The following C1QTNF3 variants were observed in gnomAD, a reference collection of about 807,000 sequenced individuals.
C1QTNF3 encodes complement C1q tumor necrosis factor-related protein 3.
C1QTNF3 carries 26 observed loss-of-function variants against 32.6 expected under a neutral mutation model. That is an observed-to-expected ratio of 0.80 (90% CI 0.58 to 1.11). The LOEUF (loss-of-function observed/expected upper bound fraction) is 1.11, where lower values mean the gene tolerates loss of function less well. C1QTNF3 is among the 50% of genes least tolerant of loss of function. C1QTNF3 has a pLI of 0.00. For missense variants in C1QTNF3, 362 were observed against 398.2 expected, an observed-to-expected ratio of 0.91 and a Z score of 0.77; for synonymous variants, 155 against 146.0, an observed-to-expected ratio of 1.06 and a Z score of -0.44.
the C1QTNF3 span, among the ~76,000 whole-genome samples, chr5:34,212,389 C>A: frequency 1.1e-4 from 16 of 152,052 alleles, no homozygotes; most frequent in East Asian, 2.5e-3. Context: ...GCAACAAAAG[C>A]CAAAATTGAC....
the C1QTNF3 span, among the ~76,000 whole-genome samples, chr5:34,111,946 G>A: frequency 6.6e-6 from 1 of 152,228 alleles, no homozygotes; most frequent in Admixed American, 6.5e-5. Context: ...AAGGGAGGCT[G>A]AGAAGTACAG....
the C1QTNF3 span, among the ~76,000 whole-genome samples, chr5:34,056,457 T>TGTGC: frequency 2.3e-4 from 17 of 74,658 alleles, no homozygotes; most frequent in African/African-American, 9.2e-4. Flanking sequence ...TGTGTGTGTA[T>TGTGC]ATATATATAT....
chr5:34,197,717 G>A, the C1QTNF3 span, among the ~76,000 whole-genome samples: 2 of 152,118 alleles, frequency 1.3e-5, no homozygotes, highest in Admixed American at 1.3e-4. Flanking sequence ...GTGTTGGAAG[G>A]TCCATGTCTT....
the C1QTNF3 span, among the ~76,000 whole-genome samples, chr5:34,188,086 G>A: frequency 6.6e-6 from 1 of 152,426 alleles, no homozygotes; most frequent in South Asian, 2.1e-4. Context: ...TCAGGCCATG[G>A]CTTCAGAGGG....
At chr5:34,212,655 T>A in the C1QTNF3 span, among the ~76,000 whole-genome samples, 1 of 149,856 alleles carries the variant, frequency 6.7e-6, no homozygotes, top group African/African-American at 2.4e-5. Flanking sequence ...CATGAAAAAA[T>A]GCTCACCATC....
chr5:34,205,582 G>A, the C1QTNF3 span, among the ~76,000 whole-genome samples: 142 of 152,142 alleles, frequency 9.3e-4, 1 homozygote, highest in African/African-American at 3.4e-3. Flanking sequence ...CTTCTGCTAT[G>A]ACTGTATGTT....
At chr5:34,040,033 G>GGC (rs1169314032) in intron 1 of C1QTNF3, among the ~76,000 whole-genome samples, 1 of 152,150 alleles carries the variant, frequency 6.6e-6, no homozygotes, top group Non-Finnish European at 1.5e-5. Flanking sequence ...CTCTGGCCTT[G>GGC]TCTTTCAAAG....
chr5:34,125,040 AG>A, the C1QTNF3 span, among the ~76,000 whole-genome samples: 7 of 151,528 alleles, frequency 4.6e-5, no homozygotes, highest in Non-Finnish European at 8.8e-5. Flanking sequence ...GAGAGAGGAA[AG>A]AAAGGAAAGA....
Position 34,020,365 on chromosome 5 carries a change from T to C in C1QTNF3, c.*218A>G. ...GAAAGAGTGATAAAGATGCTGAGTA[T>C]ATTAGTCAAGGTCATCTGAGAAGAC... is the stretch of plus-strand genomic sequence containing the variant. On this transcript the variant is annotated 3_prime_UTR_variant, in exon 6 of 6. Coordinates refer to ENST00000382065, the MANE Select transcript of C1QTNF3 (RefSeq NM_181435.6). The C allele has an allele frequency of 2.0e-6, 1 of 512,218 alleles. No individual in the cohort carries two copies. The highest frequency in any genetic ancestry group is 3.4e-6 in the Non-Finnish European group (1 of 290,034). The allele number at this position is 512,218 out of a possible 1,614,324, so 31.7% of individuals were successfully genotyped here.
At chr5:34,156,325 C>T in the C1QTNF3 span, among the ~76,000 whole-genome samples, 1 of 152,192 alleles carries the variant, frequency 6.6e-6, no homozygotes, top group South Asian at 2.1e-4. Context: ...CCCGCCTCGG[C>T]CTCCCAAAGT....
At chr5:34,162,265 G>A in the C1QTNF3 span, among the ~76,000 whole-genome samples, 1 of 152,076 alleles carries the variant, frequency 6.6e-6, no homozygotes, top group Admixed American at 6.6e-5. Flanking sequence ...GAAAGCAGAA[G>A]GTCAAGAGTA....
chr5:34,125,292 C>A, the C1QTNF3 span, among the ~76,000 whole-genome samples: 14 of 151,918 alleles, frequency 9.2e-5, no homozygotes, highest in African/African-American at 2.9e-4. Flanking sequence ...AATATTTCTC[C>A]ATTTACTTCT....
the C1QTNF3 span, among the ~76,000 whole-genome samples, chr5:34,061,815 G>GA: frequency 6.6e-6 from 1 of 152,166 alleles, no homozygotes; most frequent in African/African-American, 2.4e-5. Context: ...GGACTTCTGT[G>GA]AAGACCTCCA....
At chr5:34,047,718 A>G (rs1224111763), upstream of C1QTNF3, among the ~76,000 whole-genome samples, 1 of 152,236 alleles carries the variant, frequency 6.6e-6, no homozygotes, top group East Asian at 1.9e-4. Context: ...ATATACAAAT[A>G]AAATTAATAT....
chr5:34,078,915 A>G, the C1QTNF3 span, among the ~76,000 whole-genome samples: 1 of 151,418 alleles, frequency 6.6e-6, no homozygotes, highest in Non-Finnish European at 1.5e-5. The surrounding 1 kb of genome is among the most constrained non-coding windows in gnomAD (Gnocchi z 4.0). Context: ...ACCCTGTGAG[A>G]TCATCATCTC....
At chr5:34,239,752 T>A in the C1QTNF3 span, among the ~76,000 whole-genome samples, 3 of 152,098 alleles carry the variant, frequency 2.0e-5, no homozygotes, top group African/African-American at 7.2e-5. Flanking sequence ...AGAAAGAAAC[T>A]GTGTACTTAA....
the C1QTNF3 span, among the ~76,000 whole-genome samples, chr5:34,053,301 C>A: frequency 1.3e-5 from 2 of 152,174 alleles, no homozygotes; most frequent in African/African-American, 4.8e-5. Flanking sequence ...ACCCGAACCA[C>A]AAAGGGAGCA....
the C1QTNF3 span, among the ~76,000 whole-genome samples, chr5:34,139,411 TC>T: frequency 4.6e-5 from 7 of 152,072 alleles, no homozygotes; most frequent in Non-Finnish European, 8.8e-5. Context: ...CATCACCCTA[TC>T]CTCCCTTCTC....
intron 1 of C1QTNF3, among the ~76,000 whole-genome samples, chr5:34,041,199 C>G (rs1355582211): frequency 6.6e-6 from 1 of 152,170 alleles, no homozygotes; most frequent in Non-Finnish European, 1.5e-5. Flanking sequence ...TAAATGCAAA[C>G]TGTGGTTTCC....
Sources: gnomAD v4.1 joint callset for allele counts (sites outside exome capture counted in the v4.1 genomes callset) on GRCh38, gnomAD v4.1.1 for gene constraint, Gnocchi (gnomAD v3.1) non-coding constraint, MANE v1.5 for transcripts, NCBI Gene and HGNC (gene_info 2026-07-23, HGNC 2026-07-21) for gene names.